The following BIRC2 variants were observed in gnomAD, a reference collection of about 807,000 sequenced individuals.
The protein encoded by BIRC2 is baculoviral IAP repeat containing 2.
Under a neutral mutation model 60.9 loss-of-function variants are expected in BIRC2, and 18 were observed. That is an observed-to-expected ratio of 0.30 (90% CI 0.20 to 0.44). The LOEUF (loss-of-function observed/expected upper bound fraction) is 0.44. Ranked by LOEUF, BIRC2 falls within the 20% of genes least tolerant of loss-of-function variation. BIRC2 has a pLI of 1.00. For synonymous variants in BIRC2, 282 were observed against 247.7 expected (o/e 1.14, Z -1.30); for missense variants, 701 against 728.5 (o/e 0.96, Z 0.43).
At chr11:102,366,820 A>G (rs1459942162) in intron 5 of BIRC2, among the ~76,000 whole-genome samples, 1 of 152,224 alleles carries the variant, frequency 6.6e-6, no homozygotes, top group Non-Finnish European at 1.5e-5. Context: ...TATCAGTTGC[A>G]TGCTTGAAAC....
chr11:102,364,669 A>C (rs1951533046), intron 5 of BIRC2, among the ~76,000 whole-genome samples: 1 of 152,218 alleles, frequency 6.6e-6, no homozygotes, highest in Admixed American at 6.5e-5. Flanking sequence ...CATTTCAAGA[A>C]AGATTGGCAG....
At chr11:102,377,469 G>C in intron 6 of BIRC2, 27 bp from the exon 7 acceptor site, 1 of 1,566,360 alleles carries the variant, frequency 6.4e-7, no homozygotes, top group South Asian at 1.2e-5. Flanking sequence ...AAAATCTAAT[G>C]GATTTCTTTT....
chr11:102,363,070 T>A, intron 4 of BIRC2, 96 bp downstream of exon 4: 1 of 923,540 alleles, frequency 1.1e-6, no homozygotes, highest in Non-Finnish European at 1.6e-6. Context: ...TTTTTGCCAT[T>A]GAAAGTCATG....
At chr11:102,365,162 C>T (rs1951539463) in intron 5 of BIRC2, among the ~76,000 whole-genome samples, 1 of 152,170 alleles carries the variant, frequency 6.6e-6, no homozygotes, top group African/African-American at 2.4e-5. Context: ...ATGAATTGTC[C>T]TTGCCCTTTT....
chr11:102,358,160 C>A (rs1021223073), intron 3 of BIRC2, among the ~76,000 whole-genome samples: 3 of 152,132 alleles, frequency 2.0e-5, no homozygotes, highest in Non-Finnish European at 4.4e-5. Context: ...GCTGCATGAT[C>A]TACGCTGGAT....
chr11:102,376,274 G>A, intron 6 of BIRC2, among the ~76,000 whole-genome samples: 1 of 152,188 alleles, frequency 6.6e-6, no homozygotes, highest in East Asian at 1.9e-4. Flanking sequence ...TAGAATAGGA[G>A]GTTTGAAGCA....
At chr11:102,364,630 T>C (rs958050562) in intron 5 of BIRC2, among the ~76,000 whole-genome samples, 8 of 152,224 alleles carry the variant, frequency 5.3e-5, no homozygotes, top group Non-Finnish European at 1.2e-4. Flanking sequence ...CAATCACATC[T>C]ACAAAGGGCC....
Position 102,350,467 on chromosome 11 carries a change from G to T in BIRC2, c.613G>T (p.Ala205Ser), listed in dbSNP as rs780311859. 1.2e-6 allele frequency: 2 copies of T among 1,614,144 alleles called. No individual in the cohort carries two copies. Among genetic ancestry groups the T allele is most frequent in the Admixed American group, 1.7e-5 (1 of 60,020 alleles). ...PLTFLSPSEL[A>S]RAGFYYIGPG... ...AACTTTTTTGTCACCATCAGAATTGGCAAGAGCTGGTTTTTATTATATAGG... is the reference window on the plus strand; with the variant it reads ...AACTTTTTTGTCACCATCAGAATTGTCAAGAGCTGGTTTTTATTATATAGG... Residue 205 changes from alanine to serine, a missense_variant, in exon 2 of 9, where the codon GCA (alanine) becomes TCA (serine). Coordinates refer to ENST00000227758, the MANE Select transcript of BIRC2 (RefSeq NM_001166.5).
intron 5 of BIRC2, among the ~76,000 whole-genome samples, chr11:102,363,995 A>C (rs1315903497): frequency 2.2e-4 from 34 of 151,596 alleles, no homozygotes; most frequent in Non-Finnish European, 3.1e-4. Flanking sequence ...GGTTGCAGTG[A>C]ACTGAGATTA....
intron 6 of BIRC2, among the ~76,000 whole-genome samples, chr11:102,372,480 T>G (rs1437513889): frequency 6.6e-6 from 1 of 152,218 alleles, no homozygotes; most frequent in Admixed American, 6.5e-5. Flanking sequence ...TGAGTGATTT[T>G]GAGTGTTTCT....
chr11:102,375,949 C>T (rs1951708075), intron 6 of BIRC2, among the ~76,000 whole-genome samples: 1 of 150,016 alleles, frequency 6.7e-6, no homozygotes, highest in Non-Finnish European at 1.5e-5. Context: ...AACACAGCTC[C>T]TAGCACGTCA....
intron 3 of BIRC2, among the ~76,000 whole-genome samples, chr11:102,354,305 C>T (rs1951395884): frequency 6.6e-6 from 1 of 152,098 alleles, no homozygotes; most frequent in South Asian, 2.1e-4. Context: ...CACCTCCTGG[C>T]TTCAAGCGAT....
intron 8 of BIRC2, 36 bp from the exon 9 acceptor site, chr11:102,377,954 G>A (rs745791929): frequency 3.8e-6 from 6 of 1,597,724 alleles, no homozygotes; most frequent in Non-Finnish European, 5.1e-6. Context: ...TTAATGAAGT[G>A]GAAACAATTT....
At chr11:102,373,115 T>A (rs1452336330) in intron 6 of BIRC2, among the ~76,000 whole-genome samples, 2 of 150,746 alleles carry the variant, frequency 1.3e-5, no homozygotes, top group Non-Finnish European at 3.0e-5. Context: ...TCTTGACTCT[T>A]TATCCAATTT....
chr11:102,373,532 G>A (rs1215291523), intron 6 of BIRC2, among the ~76,000 whole-genome samples: 1 of 151,982 alleles, frequency 6.6e-6, no homozygotes, highest in Non-Finnish European at 1.5e-5. Flanking sequence ...TCTGCCGAGA[G>A]ATCCGTTGTT....
intron 6 of BIRC2, among the ~76,000 whole-genome samples, chr11:102,375,738 C>A (rs1951704713): frequency 6.6e-6 from 1 of 151,542 alleles, no homozygotes; most frequent in Admixed American, 6.6e-5. Flanking sequence ...CGAGATCGTG[C>A]CCCTGCACTC....
intron 5 of BIRC2, among the ~76,000 whole-genome samples, chr11:102,365,589 T>C (rs1455308558): frequency 6.6e-6 from 1 of 152,204 alleles, no homozygotes; most frequent in African/African-American, 2.4e-5. Context: ...TTTTTTCTTT[T>C]TGTGAAACAA....
Position 102,350,679 on chromosome 11 carries a change from A to G in BIRC2, c.825A>G (p.Thr275=). 1 of 1,613,678 alleles carries G rather than the reference A, an allele frequency of 6.2e-7. No homozygotes were observed. The highest frequency in any genetic ancestry group is 8.5e-7 in the Non-Finnish European group (1 of 1,179,990). Residue 275 remains threonine (T), a synonymous_variant, in exon 2 of 9, where the codon ACA becomes ACG. Transcript: ENST00000227758. ...AGACACATGCAGCTCGAATGAGAAC[A>G]TTTATGTACTGGCCATCTAGTGTTC... The part of the protein sequence containing the change: ...SMQTHAARMR[T]FMYWPSSVPV...
At chr11:102,364,167 A>ATATATATATATATATATATATATG (rs1951521691) in intron 5 of BIRC2, among the ~76,000 whole-genome samples, 2 of 94,176 alleles carry the variant, frequency 2.1e-5, no homozygotes, top group African/African-American at 1.1e-4. Flanking sequence ...ATATATATAT[A>ATATATATATATATATATATATATG]TATATATACA....
Sources: gnomAD v4.1 joint callset for allele counts (sites outside exome capture counted in the v4.1 genomes callset) on GRCh38, gnomAD v4.1.1 for gene constraint, MANE v1.5 for transcripts, NCBI Gene and HGNC (gene_info 2026-07-23, HGNC 2026-07-21) for gene names.